The following USH2A variants were observed in gnomAD, a reference collection of about 807,000 sequenced individuals.
The protein encoded by USH2A is usherin.
A neutral mutation model predicts 538.9 loss-of-function variants in USH2A; 443 were observed. The observed-to-expected ratio is 0.82, with a 90% confidence interval of 0.76 to 0.89. The LOEUF is 0.89. Among genes scored for constraint, USH2A ranks in the 40% least tolerant of loss-of-function variants. USH2A has a pLI of 0.00. For missense variants in USH2A, 6,633 were observed against 6,324.8 expected (o/e 1.05, Z -1.65); for synonymous variants, 2,413 against 2,273.5 (o/e 1.06, Z -1.75).
intron 49 of USH2A, among the ~76,000 whole-genome samples, chr1:215,801,939 G>A (rs1006697371): frequency 1.3e-5 from 2 of 151,702 alleles, no homozygotes; most frequent in African/African-American, 4.8e-5. Context: ...CAATGGGATA[G>A]AACAGAGATC....
rs1157732943 is a variant in USH2A at position 215,728,340 on chromosome 1, G to A, written c.11756C>T (p.Ser3919Leu). 6.2e-7 allele frequency: 1 copy of A among 1,614,156 alleles called. No homozygotes were observed. The highest frequency in any genetic ancestry group is 1.7e-5 in the Admixed American group (1 of 60,020). ...ATCCATAAATTCAAGGGCTCCTTCTGACCAGACAAATAAAACAGACTCCTC... is the reference window on the plus strand; with the variant it reads ...ATCCATAAATTCAAGGGCTCCTTCTAACCAGACAAATAAAACAGACTCCTC... ...IEEESVLFVW[S>L]EGALEFMDEG... Residue 3919 changes from serine to leucine, a missense_variant, in exon 61 of 72, where the codon TCA (serine) becomes TTA (leucine). Physicochemically the swap from Ser to Leu is moderately radical, Grantham distance 145. Coordinates refer to ENST00000307340, the MANE Select transcript of USH2A (RefSeq NM_206933.4).
At chr1:215,743,386 A>ATATATATATATGTGTGTG (rs878870284) in intron 58 of USH2A, 51 bp from the exon 59 acceptor site, 3 of 310,004 alleles carry the variant, frequency 9.7e-6, no homozygotes, top group African/African-American at 3.3e-5. Context: ...ATATATATAT[A>ATATATATATATGTGTGTG]TGTGTGTGTG....
chr1:215,780,714 G>A (rs569764619), intron 54 of USH2A, among the ~76,000 whole-genome samples: 2 of 152,338 alleles, frequency 1.3e-5, no homozygotes, highest in South Asian at 4.1e-4. Context: ...GGCATGAAGT[G>A]TGCCTATGCA....
At chr1:215,952,711 A>C (rs1666953124) in intron 37 of USH2A, among the ~76,000 whole-genome samples, 2 of 152,056 alleles carry the variant, frequency 1.3e-5, no homozygotes, top group Non-Finnish European at 2.9e-5. Context: ...ATTGGCCCCC[A>C]CTCTGTTCTG....
chr1:216,120,588 C>A (rs982667686), intron 21 of USH2A, among the ~76,000 whole-genome samples: 4 of 151,892 alleles, frequency 2.6e-5, no homozygotes, highest in African/African-American at 9.6e-5. Flanking sequence ...ACCATCTTGG[C>A]CAGGCTGGTC....
chr1:216,406,487 A>G (rs2039396088), intron 3 of USH2A, among the ~76,000 whole-genome samples: 1 of 152,218 alleles, frequency 6.6e-6, no homozygotes, highest in African/African-American at 2.4e-5. Context: ...TTTCTATGTC[A>G]ATCAGACCTC....
chr1:215,790,333 A>G (rs1471648817), intron 50 of USH2A, 51 bp from the exon 51 acceptor site: 5 of 1,594,454 alleles, frequency 3.1e-6, no homozygotes. Flanking sequence ...AAGGGAAGAA[A>G]ACTGAGGCTG....
intron 49 of USH2A, among the ~76,000 whole-genome samples, chr1:215,800,682 G>T (rs1455713069): frequency 6.6e-6 from 1 of 152,066 alleles, no homozygotes; most frequent in African/African-American, 2.4e-5. Context: ...ATTAAACATA[G>T]ATATATAAGG....
At chr1:215,889,470 T>C (rs1008310973) in intron 40 of USH2A, among the ~76,000 whole-genome samples, 78 of 152,296 alleles carry the variant, frequency 5.1e-4, no homozygotes, top group African/African-American at 1.8e-3. Context: ...ATAACAAACT[T>C]GCATATTTTA....
intron 43 of USH2A, among the ~76,000 whole-genome samples, chr1:215,870,935 T>C (rs974869389): frequency 2.6e-5 from 4 of 152,182 alleles, no homozygotes; most frequent in Non-Finnish European, 4.4e-5. Flanking sequence ...TGTGTATCAA[T>C]CAATTTCTTC....
intron 3 of USH2A, among the ~76,000 whole-genome samples, chr1:216,365,798 C>T (rs1331729893): frequency 6.6e-6 from 1 of 152,076 alleles, no homozygotes; most frequent in African/African-American, 2.4e-5. Context: ...AATGCAAAAG[C>T]ATCCACAGAC....
At chr1:216,047,037 G>C (rs2030549213) in intron 31 of USH2A, among the ~76,000 whole-genome samples, 1 of 152,100 alleles carries the variant, frequency 6.6e-6, no homozygotes, top group Non-Finnish European at 1.5e-5. Flanking sequence ...AACCAAATTA[G>C]TCAATTACAT....
chr1:216,175,742 T>C (rs1396557500), intron 20 of USH2A, among the ~76,000 whole-genome samples: 6 of 152,164 alleles, frequency 3.9e-5, no homozygotes, highest in Admixed American at 1.3e-4. Flanking sequence ...AACTTCTCTA[T>C]TCTTTTTAGC....
chr1:215,904,710 T>C (rs1665588451), intron 38 of USH2A, among the ~76,000 whole-genome samples: 1 of 151,994 alleles, frequency 6.6e-6, no homozygotes, highest in Non-Finnish European at 1.5e-5. Flanking sequence ...CAAGACAACC[T>C]CCTGAATCAA....
intron 13 of USH2A, among the ~76,000 whole-genome samples, chr1:216,240,283 A>T (rs2035912633): frequency 6.6e-6 from 1 of 152,134 alleles, no homozygotes; most frequent in African/African-American, 2.4e-5. Flanking sequence ...AGTTAAACTA[A>T]AGAAAGTCTG....
In USH2A at chr1:215,889,073, C is replaced by T. The variant is rs764918640; in HGVS notation, c.7595-19G>A. 28 of 1,611,998 alleles carry T rather than the reference C, an allele frequency of 1.7e-5. No individual in the cohort carries two copies. The highest frequency in any genetic ancestry group is 2.3e-5 in the Non-Finnish European group (27 of 1,179,898). On this transcript the variant is annotated intron_variant, in intron 40 of 71. Transcript: ENST00000307340. ...CCAGGTTCTGTAAAGTAAAATAAAT[C>T]CAGAAAGTCAGACCTCTTGGAAATG...
Position 215,680,295 on chromosome 1 carries a change from C to T in USH2A, c.12148G>A (p.Gly4050Arg), listed in dbSNP as rs1658183215. Residue 4050 changes from glycine to arginine, a missense_variant, in exon 62 of 72, where the codon GGA (glycine) becomes AGA (arginine). By Grantham distance (125) the Gly-to-Arg change is moderately radical (BLOSUM62 -2). Transcript: ENST00000307340. Reference sequence around the variant, plus strand: ...AGAGTCCAAGGGCTTAAAATTTCTCCTGCATGGTTTGCAGCCACAACACCA... The same window carrying T: ...AGAGTCCAAGGGCTTAAAATTTCTCTTGCATGGTTTGCAGCCACAACACCA... ...RIGVVAANHA[G>R]EILSPWTLIQ... The T allele has an allele frequency of 6.2e-7, 1 of 1,614,116 alleles. No homozygotes were observed. Among genetic ancestry groups the T allele is most frequent in the South Asian group, 1.1e-5 (1 of 91,090 alleles).
intron 49 of USH2A, among the ~76,000 whole-genome samples, chr1:215,801,348 G>A (rs943631970): frequency 1.3e-5 from 2 of 150,510 alleles, no homozygotes; most frequent in Non-Finnish European, 3.0e-5. Flanking sequence ...GCAAAACTAT[G>A]TGTTCTCAGA....
intron 68 of USH2A, among the ~76,000 whole-genome samples, chr1:215,639,641 A>G (rs992028132): frequency 1.3e-5 from 2 of 152,316 alleles, no homozygotes; most frequent in Non-Finnish European, 2.9e-5. Flanking sequence ...TAGAAATCAC[A>G]TGGTCTAAAT....
Sources: gnomAD v4.1 joint callset for allele counts (sites outside exome capture counted in the v4.1 genomes callset) on GRCh38, gnomAD v4.1.1 for gene constraint, MANE v1.5 for transcripts, NCBI Gene and HGNC (gene_info 2026-07-23, HGNC 2026-07-21) for gene names.